Variants in RBFOX1 observed in about 807,000 individuals in gnomAD.
The protein encoded by RBFOX1 is RNA binding protein fox-1 homolog 1.
In RBFOX1, 8 loss-of-function variants were observed where a neutral mutation model predicts 57.7. The observed-to-expected ratio is 0.14, with a 90% CI of 0.08 to 0.25. RBFOX1 has a LOEUF of 0.25. Among genes scored for constraint, RBFOX1 ranks in the 10% least tolerant of loss-of-function variants. RBFOX1 has a pLI of 1.00. For synonymous variants in RBFOX1, 326 were observed against 222.4 expected, an observed-to-expected ratio of 1.47 and a Z score of -4.15; for missense variants, 611 against 548.5, an observed-to-expected ratio of 1.11 and a Z score of -1.14.
chr16:7,144,902 G>T (rs73544746), intron 4 of RBFOX1, among the ~76,000 whole-genome samples: 9,962 of 152,114 alleles, frequency 0.065, 1,081 homozygotes, highest in African/African-American at 0.23. Context: ...CAGCAGCCCA[G>T]TGTCTCTGAT....
At chr16:5,885,300 C>T (rs78179750) in intron 4 of RBFOX1, among the ~76,000 whole-genome samples, 5,032 of 149,002 alleles carry the variant, frequency 0.034, 284 homozygotes, top group African/African-American at 0.12. Flanking sequence ...CAGAATGTCA[C>T]GTTAGACTCC....
chr16:6,426,681 G>A (rs766675920), intron 2 of RBFOX1, among the ~76,000 whole-genome samples: 3 of 152,074 alleles, frequency 2.0e-5, no homozygotes, highest in African/African-American at 4.8e-5. Context: ...CAGAAAGACC[G>A]GCAGAGAGGC....
intron 3 of RBFOX1, among the ~76,000 whole-genome samples, chr16:7,023,838 T>G (rs539188346): frequency 1.3e-4 from 20 of 152,218 alleles, no homozygotes; most frequent in African/African-American, 4.3e-4. Context: ...CACCCAGATG[T>G]TAAATTTATT....
chr16:5,397,568 G>C (rs2151431906), intron 1 of RBFOX1, among the ~76,000 whole-genome samples: 1 of 152,280 alleles, frequency 6.6e-6, no homozygotes, highest in East Asian at 1.9e-4. Flanking sequence ...AGATTGAAAA[G>C]TCATTTCTGA....
intron 4 of RBFOX1, among the ~76,000 whole-genome samples, chr16:5,962,419 A>C (rs2059768059): frequency 6.6e-6 from 1 of 152,144 alleles, no homozygotes; most frequent in Admixed American, 6.5e-5. Flanking sequence ...CTAAGATTAC[A>C]TCTGAATTCC....
At chr16:5,603,962 G>A (rs147668276), downstream of RBFOX1, among the ~76,000 whole-genome samples, 2 of 147,800 alleles carry the variant, frequency 1.4e-5, no homozygotes, top group Middle Eastern at 3.6e-3. Flanking sequence ...ACATTACTAA[G>A]CAATGGTGTC....
chr16:7,301,612 T>C (rs1317642671), intron 4 of RBFOX1, among the ~76,000 whole-genome samples: 1 of 152,198 alleles, frequency 6.6e-6, no homozygotes, highest in Non-Finnish European at 1.5e-5. Context: ...TATTTGTTTT[T>C]CATTAAACCG....
chr16:6,380,151 T>C (rs2091643342), intron 2 of RBFOX1, among the ~76,000 whole-genome samples: 1 of 151,984 alleles, frequency 6.6e-6, no homozygotes. Flanking sequence ...GGGAGGAAAG[T>C]AGACAGTTGC....
At chr16:6,108,438 G>A (rs2096407658) in intron 1 of RBFOX1, among the ~76,000 whole-genome samples, 1 of 152,154 alleles carries the variant, frequency 6.6e-6, no homozygotes, top group African/African-American at 2.4e-5. Flanking sequence ...GTTTAATGGA[G>A]TGCCTGTCAC....
At chr16:7,462,564 C>T (rs927983184) in intron 4 of RBFOX1, among the ~76,000 whole-genome samples, 2 of 152,196 alleles carry the variant, frequency 1.3e-5, no homozygotes, top group African/African-American at 4.8e-5. Context: ...AGTGTAACTT[C>T]GGCATGACTC....
chr16:6,374,038 T>G (rs2090851730), intron 2 of RBFOX1, among the ~76,000 whole-genome samples: 1 of 152,220 alleles, frequency 6.6e-6, no homozygotes, highest in Non-Finnish European at 1.5e-5. Context: ...ATATTCAGTT[T>G]GACAGTAAGT....
At position 7,400,501 on chromosome 16, in the gene RBFOX1, C is replaced by T. The variant is rs528659332; in HGVS notation, c.28-117646C>T. ...ATTTATAGTGAAAGCTACCTTGGCC[C>T]ACAGCTTTCTCCCTCCTGGTCCCTT... is the stretch of plus-strand genomic sequence containing the variant. On this transcript the variant is annotated intron_variant, in intron 4 of 15. Transcript: ENST00000550418. 2.6e-5 allele frequency among the ~76,000 whole-genome samples: 4 copies of T among 152,256 alleles called. No individual in the cohort carries two copies. In the East Asian group the frequency reaches 7.7e-4, roughly 29 times the overall value.
At chr16:5,282,439 A>G (rs1232622400) in intron 1 of RBFOX1, among the ~76,000 whole-genome samples, 1 of 152,206 alleles carries the variant, frequency 6.6e-6, no homozygotes, top group Non-Finnish European at 1.5e-5. Flanking sequence ...AACAGTTTGG[A>G]GGGCTCAGAA....
intron 1 of RBFOX1, among the ~76,000 whole-genome samples, chr16:6,243,795 C>A (rs968927814): frequency 6.6e-6 from 1 of 152,142 alleles, no homozygotes; most frequent in Non-Finnish European, 1.5e-5. Context: ...ATGGTGGGAA[C>A]TTAGAGTCGT....
chr16:7,699,130 G>T (rs1431748095), intron 14 of RBFOX1, among the ~76,000 whole-genome samples: 1 of 152,132 alleles, frequency 6.6e-6, no homozygotes, highest in South Asian at 2.1e-4. Context: ...CTAACAAGTT[G>T]CCCCAGATAA....
At chr16:7,170,170 C>T (rs1284455192) in intron 4 of RBFOX1, among the ~76,000 whole-genome samples, 1 of 152,166 alleles carries the variant, frequency 6.6e-6, no homozygotes, top group Non-Finnish European at 1.5e-5. Context: ...ATTTCCAAAA[C>T]CCCTTTTATA....
intron 4 of RBFOX1, among the ~76,000 whole-genome samples, chr16:7,182,301 A>C (rs8046426): frequency 1.3e-5 from 2 of 151,838 alleles, no homozygotes; most frequent in African/African-American, 4.8e-5. Context: ...GAATTCCGAG[A>C]GTCACCTGCC....
At chr16:7,120,830 TACACACACACAC>T (rs397836603) in intron 4 of RBFOX1, among the ~76,000 whole-genome samples, 2 of 86,540 alleles carry the variant, frequency 2.3e-5, no homozygotes, top group African/African-American at 7.8e-5. Flanking sequence ...TATGTATATA[TACACACACACAC>T]ACACACACAC....
chr16:7,019,939 C>G (rs775561491), intron 3 of RBFOX1, among the ~76,000 whole-genome samples: 5 of 151,984 alleles, frequency 3.3e-5, no homozygotes, highest in Non-Finnish European at 5.9e-5. Flanking sequence ...ACATTTTGTT[C>G]TCTCCACCTG....
Sources: gnomAD v4.1 joint callset for allele counts (sites outside exome capture counted in the v4.1 genomes callset) on GRCh38, gnomAD v4.1.1 for gene constraint, MANE v1.5 for transcripts, NCBI Gene and HGNC (gene_info 2026-07-23, HGNC 2026-07-21) for gene names.